Variants in SHISA6 observed in about 807,000 individuals in gnomAD.
The protein encoded by SHISA6 is protein shisa-6.
A neutral mutation model predicts 47.9 loss-of-function variants in SHISA6; 22 were observed. That is an observed-to-expected ratio of 0.46 (90% confidence interval 0.33 to 0.66). SHISA6 has a LOEUF of 0.66. Among genes scored for constraint, SHISA6 ranks in the 30% least tolerant of loss-of-function variants. SHISA6 has a pLI of 0.02. For missense variants in SHISA6, 680 were observed against 764.6 expected, an observed-to-expected ratio of 0.89 and a Z score of 1.30; for synonymous variants, 388 against 337.8, an observed-to-expected ratio of 1.15 and a Z score of -1.63.
Position 11,283,165 on chromosome 17 carries a change from A to C in SHISA6, c.799+19639A>C, listed in dbSNP as rs572747078. Among the ~76,000 whole-genome samples the C allele has an allele frequency of 5.9e-5, 9 of 152,344 alleles. No individual in the cohort carries two copies. The South Asian group carries it at 1.9e-3, about 32-fold the overall frequency. On this transcript the variant is annotated intron_variant, in intron 2 of 5. Coordinates refer to ENST00000441885, the MANE Select transcript of SHISA6 (RefSeq NM_207386.4). ...CCCACATGAATATTAACTGATACTT[A>C]CTGCTCTTTTAGACAAAATATGCAA...
chr17:11,412,543 TTC>T (rs1446425396), intron 3 of SHISA6, among the ~76,000 whole-genome samples: 3 of 107,900 alleles, frequency 2.8e-5, no homozygotes, highest in African/African-American at 1.2e-4. Flanking sequence ...CTTAGACTTC[TTC>T]TTTTTTTTTT....
chr17:11,388,864 A>AAT (rs1555532200), intron 3 of SHISA6, among the ~76,000 whole-genome samples: 23 of 140,078 alleles, frequency 1.6e-4, no homozygotes, highest in African/African-American at 5.0e-4. Flanking sequence ...AAAAAAAAAA[A>AAT]ACCTTTGAGA....
chr17:11,418,324 T>C (rs1477793582), intron 3 of SHISA6, among the ~76,000 whole-genome samples: 2 of 152,208 alleles, frequency 1.3e-5, no homozygotes, highest in Non-Finnish European at 2.9e-5. Flanking sequence ...GGTGGATATT[T>C]GATCAGTATC....
chr17:11,269,606 G>A (rs1908565792), intron 2 of SHISA6, among the ~76,000 whole-genome samples: 1 of 152,240 alleles, frequency 6.6e-6, no homozygotes, highest in Non-Finnish European at 1.5e-5. Context: ...CTGTGCAGCT[G>A]AACTGGGAAA....
At chr17:11,533,459 T>G (rs1403911903) in intron 3 of SHISA6, among the ~76,000 whole-genome samples, 1 of 152,094 alleles carries the variant, frequency 6.6e-6, no homozygotes, top group Non-Finnish European at 1.5e-5. Context: ...TTCTCTCACG[T>G]TTTATTCTTG....
intron 3 of SHISA6, among the ~76,000 whole-genome samples, chr17:11,475,213 A>G (rs1379906054): frequency 6.6e-6 from 1 of 152,114 alleles, no homozygotes; most frequent in Non-Finnish European, 1.5e-5. Flanking sequence ...TATGTAGATG[A>G]TTGTGTCATC....
chr17:11,514,483 C>T (rs918430701), intron 3 of SHISA6, among the ~76,000 whole-genome samples: 1 of 152,172 alleles, frequency 6.6e-6, no homozygotes, highest in Admixed American at 6.5e-5. Context: ...TTTAGCCGCT[C>T]TGAAATGATG....
rs559726747 is a variant in SHISA6, at chr17:11,327,756, C to T, written c.800-51658C>T. Among the ~76,000 whole-genome samples, 143 of 152,226 alleles carry T rather than the reference C, an allele frequency of 9.4e-4. 1 individual carries two copies. Among genetic ancestry groups the T allele is most frequent in the Non-Finnish European group, 1.8e-3 (121 of 68,016 alleles). Reference sequence around the variant, plus strand: ...AGGTTGCGGTGAGCCAAGACCGTGCCGCTGCACTCCAGCCTGGGCAGCAGA... The same window carrying T: ...AGGTTGCGGTGAGCCAAGACCGTGCTGCTGCACTCCAGCCTGGGCAGCAGA... On this transcript the variant is annotated intron_variant, in intron 2 of 5. Coordinates refer to ENST00000441885, the MANE Select transcript of SHISA6 (RefSeq NM_207386.4).
At position 11,398,206 on chromosome 17, in the gene SHISA6, T is replaced by C. The variant is rs952379480; in HGVS notation, c.895+18697T>C. On this transcript the variant is annotated intron_variant, in intron 3 of 5. Coordinates refer to ENST00000441885, the MANE Select transcript of SHISA6 (RefSeq NM_207386.4). ...TTTTAACAATAGATTAGTATATGTT[T>C]ATTCATATTTTTATCCCTTTAAAAA... Among the ~76,000 whole-genome samples the C allele has an allele frequency of 2.6e-5, 4 of 152,310 alleles. No individual in the cohort carries two copies. The East Asian group carries it at 7.7e-4, about 29-fold the overall frequency.
Position 11,337,282 on chromosome 17 carries a change from T to A in SHISA6, c.800-42132T>A, listed in dbSNP as rs1911356237. 2.0e-5 allele frequency among the ~76,000 whole-genome samples: 3 copies of A among 152,178 alleles called. No individual in the cohort carries two copies. In the South Asian group the frequency reaches 6.2e-4, roughly 31 times the overall value. On this transcript the variant is annotated intron_variant, in intron 2 of 5. Transcript: ENST00000441885. ...GATACATGAATGAGCTGATTATCGC[T>A]GTGGGCATCTGGAATTCAGCCCCAC... is the stretch of plus-strand genomic sequence containing the variant.
At chr17:11,335,509 A>C (rs564624674) in intron 2 of SHISA6, among the ~76,000 whole-genome samples, 1 of 152,304 alleles carries the variant, frequency 6.6e-6, no homozygotes, top group African/African-American at 2.4e-5. Flanking sequence ...GCACCAGCAC[A>C]GCCTTTCCCT....
intron 3 of SHISA6, among the ~76,000 whole-genome samples, chr17:11,430,337 TC>T (rs1340839487): frequency 1.3e-5 from 2 of 152,090 alleles, no homozygotes; most frequent in Admixed American, 1.3e-4. Context: ...AAGTCTTACT[TC>T]CAGGATCAAG....
chr17:11,281,153 T>A (rs1435374390), intron 2 of SHISA6, among the ~76,000 whole-genome samples: 1 of 152,236 alleles, frequency 6.6e-6, no homozygotes, highest in Non-Finnish European at 1.5e-5. Flanking sequence ...ATGCCTTTTT[T>A]TCTTTTTCTT....
intron 5 of SHISA6, among the ~76,000 whole-genome samples, chr17:11,556,769 AC>A (rs2071984879): frequency 6.6e-6 from 1 of 151,782 alleles, no homozygotes; most frequent in Non-Finnish European, 1.5e-5. Flanking sequence ...CCCATCAACG[AC>A]CCCGCTGCAC....
intron 2 of SHISA6, among the ~76,000 whole-genome samples, chr17:11,347,335 G>C (rs1248213984): frequency 6.6e-6 from 1 of 152,170 alleles, no homozygotes; most frequent in Non-Finnish European, 1.5e-5. Flanking sequence ...CAGGGGAGTA[G>C]AAAAGACCAG....
rs190157873 is a variant in SHISA6, at chr17:11,482,141, G to C, written c.896-69755G>C. Among the ~76,000 whole-genome samples the C allele has an allele frequency of 8.5e-5, 13 of 152,208 alleles. No homozygotes were observed. The East Asian group carries it at 1.9e-3, about 23-fold the overall frequency. ...ATAGGATCCAGTAGAAGAAAACTTA[G>C]ATGAATTTAGAGATACTTGAATAGG... On this transcript the variant is annotated intron_variant, in intron 3 of 5. Coordinates refer to ENST00000441885, the MANE Select transcript of SHISA6 (RefSeq NM_207386.4).
intron 3 of SHISA6, among the ~76,000 whole-genome samples, chr17:11,501,343 C>T (rs1015369900): frequency 6.6e-6 from 1 of 152,050 alleles, no homozygotes; most frequent in Admixed American, 6.5e-5. Context: ...AACTCCTGAC[C>T]TCAGGTGATC....
intron 3 of SHISA6, among the ~76,000 whole-genome samples, chr17:11,549,985 A>G (rs979374664): frequency 3.9e-5 from 6 of 152,158 alleles, no homozygotes; most frequent in African/African-American, 1.4e-4. Context: ...TGTCTTGCGA[A>G]GGGACAGTAT....
intron 3 of SHISA6, among the ~76,000 whole-genome samples, chr17:11,462,552 A>G (rs1487782387): frequency 1.3e-5 from 2 of 152,172 alleles, no homozygotes; most frequent in East Asian, 3.9e-4. Flanking sequence ...ACCCTCAATA[A>G]GAGCTTCCTC....
Sources: gnomAD v4.1 joint callset for allele counts (sites outside exome capture counted in the v4.1 genomes callset) on GRCh38, gnomAD v4.1.1 for gene constraint, MANE v1.5 for transcripts, NCBI Gene and HGNC (gene_info 2026-07-23, HGNC 2026-07-21) for gene names.